The following ECHDC3 variants were observed in gnomAD, a reference collection of about 807,000 sequenced individuals.
The protein encoded by ECHDC3 is enoyl-CoA hydratase domain-containing protein 3, mitochondrial.
ECHDC3 carries 20 observed loss-of-function variants against 17.9 expected under a neutral mutation model. The ratio of observed to expected loss-of-function variants is 1.12; its 90% CI spans 0.79 to 1.63. The LOEUF is 1.63. ECHDC3 is among the 40% of genes most tolerant of loss of function. The pLI is 0.00. For synonymous variants in ECHDC3, 177 were observed against 149.7 expected, an observed-to-expected ratio of 1.18 and a Z score of -1.33; for missense variants, 407 against 357.7, an observed-to-expected ratio of 1.14 and a Z score of -1.11.
rs576599996 is a variant in ECHDC3, at chr10:11,755,721, G to T, written c.591+113G>T. On this transcript the variant is annotated intron_variant, in intron 4 of 4. Coordinates refer to ENST00000379215, the MANE Select transcript of ECHDC3 (RefSeq NM_024693.5). ...TTAAAAGTGCCTTTCATATCAGGACGTTCTGCCCAGAGTGCCTCTGGCTAG... is the reference window on the plus strand; with the variant it reads ...TTAAAAGTGCCTTTCATATCAGGACTTTCTGCCCAGAGTGCCTCTGGCTAG... The T allele has an allele frequency of 1.5e-3, 1,564 of 1,059,950 alleles. 3 individuals carry two copies. Among genetic ancestry groups the T allele is most frequent in the Non-Finnish European group, 2.0e-3 (1,484 of 738,798 alleles). The allele number at this position is 1,059,950 out of a possible 1,614,324, so 65.7% of individuals were successfully genotyped here.
intron 4 of ECHDC3, among the ~76,000 whole-genome samples, chr10:11,760,274 C>G (rs1220241023): frequency 6.6e-6 from 1 of 152,178 alleles, no homozygotes; most frequent in Non-Finnish European, 1.5e-5. Context: ...CCAGGAGGAC[C>G]AGTGCCCAGC....
chr10:11,742,673 CG>C lies in ECHDC3; in HGVS notation c.100del (p.Asp34ThrfsTer23). 1 of 1,245,970 alleles carries C rather than the reference CG, an allele frequency of 8.0e-7. No individual in the cohort carries two copies. The highest frequency in any genetic ancestry group is 3.3e-5 in the South Asian group (1 of 30,342). 77.2% of individuals were successfully genotyped at this position (1,245,970 alleles called of 1,614,324 possible). A position where few individuals can be genotyped will look rare whatever the true frequency, so the allele number is the denominator to read the frequency against. Reference protein sequence around the residue: ...WAQLPARFCSRDPAGAGRRES... With the variant: ...WAQLPARFCSXDPAGAGRRES... ...CCAGCTCCCCGCCCGCTTCTGCAGCCGGGACCCGGCCGGGGCGGGGCGGCGG... is the reference window on the plus strand; with the variant it reads ...CCAGCTCCCCGCCCGCTTCTGCAGCCGGACCCGGCCGGGGCGGGGCGGCGG... On this transcript the variant is annotated frameshift_variant, in exon 1 of 5. Transcript: ENST00000379215. LOFTEE classifies it high-confidence loss of function.
chr10:11,750,665 C>T (rs552796709), intron 3 of ECHDC3, among the ~76,000 whole-genome samples: 2 of 152,280 alleles, frequency 1.3e-5, no homozygotes, highest in East Asian at 1.9e-4. Flanking sequence ...TTGAGGGAAA[C>T]ATAAGAAAAA....
chr10:11,758,943 C>T (rs1243140400), intron 4 of ECHDC3, among the ~76,000 whole-genome samples: 3 of 152,218 alleles, frequency 2.0e-5, no homozygotes, highest in Non-Finnish European at 4.4e-5. Context: ...CTGTGTCCTC[C>T]CCAAATTCCT....
intron 4 of ECHDC3, among the ~76,000 whole-genome samples, chr10:11,760,480 C>G (rs1219285338): frequency 6.6e-6 from 1 of 152,248 alleles, no homozygotes; most frequent in African/African-American, 2.4e-5. Flanking sequence ...TGGATTTACT[C>G]TTTCCTCCTT....
At position 11,763,749 on chromosome 10, in the gene ECHDC3, G is replaced by T. The variant is rs140435178; in HGVS notation, c.*205G>T. 456 of 1,379,946 alleles carry T rather than the reference G, an allele frequency of 3.3e-4. 1 individual carries two copies. The East Asian group carries it at 0.012, about 35-fold the overall frequency. 85.5% of individuals were successfully genotyped at this position (1,379,946 alleles called of 1,614,324 possible). A position where few individuals can be genotyped will look rare whatever the true frequency, so the allele number is the denominator to read the frequency against. ...GAGTGACTGAGGTGCTGACCTCAGT[G>T]CAAGGCTGGTGAACCCTGCAGCGGG... On this transcript the variant is annotated 3_prime_UTR_variant, in exon 5 of 5. Coordinates refer to ENST00000379215, the MANE Select transcript of ECHDC3 (RefSeq NM_024693.5). This position sits in a 1 kb window ranked among gnomAD's most constrained non-coding sequence, Gnocchi z 4.9.
At chr10:11,750,853 A>G (rs1055355332) in intron 3 of ECHDC3, among the ~76,000 whole-genome samples, 4 of 152,252 alleles carry the variant, frequency 2.6e-5, no homozygotes, top group Non-Finnish European at 5.9e-5. Context: ...GACAGAAGTG[A>G]GCAACAGGGA....
intron 3 of ECHDC3, among the ~76,000 whole-genome samples, chr10:11,751,897 ACATGAAACC>A (rs1161928765): frequency 6.6e-6 from 1 of 152,210 alleles, no homozygotes; most frequent in Non-Finnish European, 1.5e-5. Context: ...TGGGGAGATA[ACATGAAACC>A]CTTAGCGATG....
At position 11,756,127 on chromosome 10, in the gene ECHDC3, C is replaced by T. The variant is rs185762421; in HGVS notation, c.591+519C>T. Among the ~76,000 whole-genome samples the T allele has an allele frequency of 3.5e-4, 54 of 152,290 alleles. 1 individual carries two copies. The highest frequency in any genetic ancestry group is 3.3e-3 in the Admixed American group (51 of 15,296). ...TTTCTGGAGTGTGTTGGGTTTACAA[C>T]GGTTGCATTTCAGGAACATGAATCT... On this transcript the variant is annotated intron_variant, in intron 4 of 4. Transcript: ENST00000379215.
chr10:11,762,068 G>GAA (rs35023737), intron 4 of ECHDC3, among the ~76,000 whole-genome samples: 21 of 146,032 alleles, frequency 1.4e-4, no homozygotes, highest in African/African-American at 4.8e-4. Flanking sequence ...CCCCATCTTG[G>GAA]AAAAAAAAAA....
At chr10:11,754,147 A>G (rs916741186) in intron 3 of ECHDC3, among the ~76,000 whole-genome samples, 1 of 152,246 alleles carries the variant, frequency 6.6e-6, no homozygotes. Context: ...AAGCACTACT[A>G]TAGGATATGA....
At chr10:11,749,621 A>G (rs1367182303) in intron 3 of ECHDC3, 29 bp downstream of exon 3, 1 of 1,604,806 alleles carries the variant, frequency 6.2e-7, no homozygotes, top group Non-Finnish European at 8.5e-7. Flanking sequence ...CGACAGTGCA[A>G]ACCTGCAAAT....
chr10:11,760,917 C>T (rs956972119), intron 4 of ECHDC3, among the ~76,000 whole-genome samples: 5 of 152,254 alleles, frequency 3.3e-5, no homozygotes, highest in African/African-American at 1.2e-4. Flanking sequence ...TCCTGGTCAA[C>T]TAAAAATGGT....
rs1476864198 is a variant in ECHDC3, at chr10:11,763,840, G to A, written c.*296G>A. 4 of 930,908 alleles carry A rather than the reference G, an allele frequency of 4.3e-6. No individual in the cohort carries two copies. The African/African-American group carries it at 1.8e-4, about 42-fold the overall frequency. The allele number at this position is 930,908 out of a possible 1,614,324, so 57.7% of individuals were successfully genotyped here. A position where few individuals can be genotyped will look rare whatever the true frequency, so the allele number is the denominator to read the frequency against. The stretch of plus-strand genomic sequence containing the variant: ...CAACGTCTTAAGCAAGCGACCCCCC[G>A]ACATAGCAAAAGGTGGCAACCCATG... On this transcript the variant is annotated 3_prime_UTR_variant, in exon 5 of 5. Coordinates refer to ENST00000379215, the MANE Select transcript of ECHDC3 (RefSeq NM_024693.5). This position sits in a 1 kb window ranked among gnomAD's most constrained non-coding sequence, Gnocchi z 4.9.
At chr10:11,759,363 A>C (rs1832919391) in intron 4 of ECHDC3, among the ~76,000 whole-genome samples, 1 of 60,158 alleles carries the variant, frequency 1.7e-5, no homozygotes, top group African/African-American at 4.7e-5. Flanking sequence ...TCTTAAAAAA[A>C]AAAAAAACAA....
Position 11,759,354 on chromosome 10 carries a change from CT to C in ECHDC3, c.591+3748del, listed in dbSNP as rs200175743. On this transcript the variant is annotated intron_variant, in intron 4 of 4. Transcript: ENST00000379215. ...GGGCAACAACAGCAAAACTCCATCT[CT>C]TAAAAAAAAAAAAAACAAAAAAAAA... Among the ~76,000 whole-genome samples, 257 of 79,382 alleles carry C rather than the reference CT, an allele frequency of 3.2e-3. 6 individuals carry two copies. Among genetic ancestry groups the C allele is most frequent in the South Asian group, 0.013 (22 of 1,646 alleles). 52.1% of individuals were successfully genotyped at this position (79,382 alleles called of 152,430 possible). A position where few individuals can be genotyped will look rare whatever the true frequency, so the allele number is the denominator to read the frequency against.
Position 11,742,545 on chromosome 10 carries a change from C to T in ECHDC3, c.-32C>T, listed in dbSNP as rs1832705620. The T allele has an allele frequency of 2.4e-6, 3 of 1,256,412 alleles. No individual in the cohort carries two copies. Among genetic ancestry groups the T allele is most frequent in the Non-Finnish European group, 3.0e-6 (3 of 1,001,848 alleles). 77.8% of individuals were successfully genotyped at this position (1,256,412 alleles called of 1,614,324 possible). On this transcript the variant is annotated 5_prime_UTR_variant, in exon 1 of 5. Transcript: ENST00000379215. ...AGCACCTGCGGCCGGCCAGGCAGCG[C>T]GATCCTGCGGCGTCTGGCCATCCCG...
At chr10:11,746,452 T>C (rs1382610826) in intron 1 of ECHDC3, among the ~76,000 whole-genome samples, 3 of 152,136 alleles carry the variant, frequency 2.0e-5, no homozygotes, top group Non-Finnish European at 2.9e-5. Context: ...AATTGTACAT[T>C]TGAAACTAAC....
intron 4 of ECHDC3, among the ~76,000 whole-genome samples, chr10:11,760,666 G>A (rs532296227): frequency 7.2e-5 from 11 of 152,276 alleles, no homozygotes; most frequent in Admixed American, 3.3e-4. Context: ...CCCAAGAGCC[G>A]CCTGTGTCAG....
Sources: gnomAD v4.1 joint callset for allele counts (sites outside exome capture counted in the v4.1 genomes callset) on GRCh38, gnomAD v4.1.1 for gene constraint, Gnocchi (gnomAD v3.1) non-coding constraint, MANE v1.5 for transcripts, NCBI Gene and HGNC (gene_info 2026-07-23, HGNC 2026-07-21) for gene names.